The following ROBO1 variants were observed in gnomAD, a reference collection of about 807,000 sequenced individuals.
ROBO1 encodes roundabout homolog 1.
A neutral mutation model predicts 195.9 loss-of-function variants in ROBO1; 149 were observed. The ratio of observed to expected loss-of-function variants is 0.76; its 90% CI spans 0.67 to 0.87. The LOEUF is 0.87. ROBO1 is among the 40% of genes least tolerant of loss of function. The probability of loss-of-function intolerance (pLI) is 0.00; values close to 1 mark genes in which losing one functional copy is unlikely to be tolerated. For missense variants in ROBO1, 1,933 were observed against 2,068.3 expected (o/e 0.93, Z 1.27); for synonymous variants, 816 against 733.2 (o/e 1.11, Z -1.82).
intron 1 of ROBO1, among the ~76,000 whole-genome samples, chr3:79,657,325 TA>T (rs1309349028): frequency 6.6e-6 from 1 of 152,028 alleles, no homozygotes; most frequent in Non-Finnish European, 1.5e-5. Context: ...AGAGAGGAAA[TA>T]CTTAAGTCTC....
intron 19 of ROBO1, among the ~76,000 whole-genome samples, chr3:78,649,426 G>A (rs1706508166): frequency 6.6e-6 from 1 of 152,122 alleles, no homozygotes; most frequent in Non-Finnish European, 1.5e-5. Context: ...GTGAATGCAT[G>A]TGGACAGGGG....
At chr3:78,670,445 A>C in intron 10 of ROBO1, 144 bp from the exon 11 acceptor site, 1 of 673,388 alleles carries the variant, frequency 1.5e-6, no homozygotes, top group South Asian at 1.9e-5. Context: ...CATTATTCAA[A>C]ATGCATTTAT....
intron 1 of ROBO1, among the ~76,000 whole-genome samples, chr3:79,626,304 G>C (rs1945177641): frequency 6.6e-6 from 1 of 152,092 alleles, no homozygotes; most frequent in South Asian, 2.1e-4. Flanking sequence ...AGTTAGCTGG[G>C]TGTGGTGGTG....
At chr3:79,103,095 T>C (rs2079709873) in intron 3 of ROBO1, among the ~76,000 whole-genome samples, 1 of 151,838 alleles carries the variant, frequency 6.6e-6, no homozygotes, top group Non-Finnish European at 1.5e-5. Flanking sequence ...CCAATACATG[T>C]GTTTAACTGA....
intron 2 of ROBO1, among the ~76,000 whole-genome samples, chr3:79,167,181 T>G (rs1483397540): frequency 7.5e-6 from 1 of 133,280 alleles, no homozygotes; most frequent in Non-Finnish European, 1.6e-5. Context: ...GGTTTGAAAA[T>G]TAATAGCACA....
intron 4 of ROBO1, among the ~76,000 whole-genome samples, chr3:78,892,362 T>C (rs2036955476): frequency 6.6e-6 from 1 of 152,264 alleles, no homozygotes; most frequent in African/African-American, 2.4e-5. Flanking sequence ...CCAAAAAGGT[T>C]GGGGACCTCC....
In ROBO1 at chr3:79,552,069, G is replaced by T. The variant is rs1474966949; in HGVS notation, c.88+37755C>A. On this transcript the variant is annotated intron_variant, in intron 2 of 30. Coordinates refer to ENST00000464233, the MANE Select transcript of ROBO1 (RefSeq NM_002941.4). ...AAAAAAAAAAGTAAGAAAGAAAGAA[G>T]TCTTCTTTCATCTTAAAACTGTAGC... Among the ~76,000 whole-genome samples the T allele has an allele frequency of 3.1e-5, 4 of 130,664 alleles. No individual in the cohort carries two copies. In the South Asian group the frequency reaches 7.7e-4, roughly 25 times the overall value. 85.7% of individuals were successfully genotyped at this position (130,664 alleles called of 152,430 possible).
chr3:79,300,226 C>T (rs1032984766), intron 2 of ROBO1, among the ~76,000 whole-genome samples: 14 of 152,162 alleles, frequency 9.2e-5, no homozygotes, highest in African/African-American at 2.7e-4. Flanking sequence ...GGGGGAGAGG[C>T]GTGAGCGGGA....
In ROBO1 at chr3:79,719,627, T is replaced by A. The variant is rs77107749; in HGVS notation, c.-51+48125A>T. 9.1e-3 allele frequency among the ~76,000 whole-genome samples: 1,388 copies of A among 152,250 alleles called. 18 individuals are homozygous for A. The highest frequency in any genetic ancestry group is 0.03 in the African/African-American group (1,249 of 41,544). On this transcript the variant is annotated intron_variant, in intron 1 of 30. Coordinates refer to ENST00000464233, the MANE Select transcript of ROBO1 (RefSeq NM_002941.4). ...CTGGCAGCCAAAGGAATATAGAGAC[T>A]ATGTAATTTTGAGGTTATGTCGCTT...
chr3:78,889,005 T>C (rs1450044491), intron 4 of ROBO1, among the ~76,000 whole-genome samples: 1 of 152,190 alleles, frequency 6.6e-6, no homozygotes, highest in Non-Finnish European at 1.5e-5. Context: ...TTAGACAAGA[T>C]GATGCCTTCT....
intron 1 of ROBO1, among the ~76,000 whole-genome samples, chr3:79,591,659 TGCA>T (rs1944002869): frequency 6.6e-6 from 1 of 151,938 alleles, no homozygotes; most frequent in Non-Finnish European, 1.5e-5. Context: ...ATCCATACTA[TGCA>T]GTTATTAGTT....
At chr3:78,772,156 A>C (rs2083392462) in intron 4 of ROBO1, among the ~76,000 whole-genome samples, 1 of 152,026 alleles carries the variant, frequency 6.6e-6, no homozygotes, top group South Asian at 2.1e-4. Flanking sequence ...AAAAAATGTC[A>C]TTTATGTCTG....
At chr3:78,771,778 A>G (rs970920557) in intron 4 of ROBO1, among the ~76,000 whole-genome samples, 1 of 152,120 alleles carries the variant, frequency 6.6e-6, no homozygotes, top group African/African-American at 2.4e-5. Flanking sequence ...CAGTTCCAGG[A>G]GTCTTTTGGT....
At chr3:79,630,885 C>T (rs1007705700) in intron 1 of ROBO1, among the ~76,000 whole-genome samples, 2 of 134,636 alleles carry the variant, frequency 1.5e-5, no homozygotes, top group Non-Finnish European at 3.1e-5. Flanking sequence ...TACACACACG[C>T]ACATACAAAA....
chr3:78,913,257 T>C (rs1194773018), intron 4 of ROBO1, among the ~76,000 whole-genome samples: 5 of 152,074 alleles, frequency 3.3e-5, no homozygotes, highest in Admixed American at 2.0e-4. Context: ...GATGATGAGA[T>C]AGTGAATTCT....
intron 3 of ROBO1, among the ~76,000 whole-genome samples, chr3:79,092,678 G>A (rs563324763): frequency 6.6e-6 from 1 of 152,052 alleles, no homozygotes; most frequent in South Asian, 2.1e-4. Context: ...ATAGCTATAT[G>A]TCAAGGATAG....
At chr3:78,792,527 A>T (rs556578668) in intron 4 of ROBO1, among the ~76,000 whole-genome samples, 1 of 152,126 alleles carries the variant, frequency 6.6e-6, no homozygotes, top group Non-Finnish European at 1.5e-5. Flanking sequence ...AAAGCTATCA[A>T]GGGGTACAGG....
At chr3:79,212,005 C>T (rs2081973495) in intron 2 of ROBO1, among the ~76,000 whole-genome samples, 1 of 152,184 alleles carries the variant, frequency 6.6e-6, no homozygotes, top group Non-Finnish European at 1.5e-5. Flanking sequence ...TTACGGGAAA[C>T]AAAGGGATGG....
intron 21 of ROBO1, among the ~76,000 whole-genome samples, chr3:78,644,951 G>A (rs945474995): frequency 3.3e-5 from 5 of 152,144 alleles, no homozygotes; most frequent in Admixed American, 6.6e-5. Context: ...ATTCACCCAC[G>A]AGAAAATGTT....
Sources: allele counts gnomAD v4.1 joint callset (sites outside exome capture counted in the v4.1 genomes callset), GRCh38; gene constraint gnomAD v4.1.1; transcripts MANE v1.5; gene names NCBI Gene and HGNC (gene_info 2026-07-23, HGNC 2026-07-21).